TTYH1: variants seen among roughly 807,000 people sequenced by gnomAD.
TTYH1 encodes protein tweety homolog 1.
TTYH1 carries 33 observed loss-of-function variants against 61.2 expected under a neutral mutation model. The observed-to-expected ratio is 0.54, with a 90% CI of 0.41 to 0.72. The LOEUF is 0.72. TTYH1 is among the 30% of genes least tolerant of loss of function. TTYH1 has a pLI of 0.00. For synonymous variants in TTYH1, 308 were observed against 266.4 expected, an observed-to-expected ratio of 1.16 and a Z score of -1.52; for missense variants, 538 against 575.8, an observed-to-expected ratio of 0.93 and a Z score of 0.67.
intron 10 of TTYH1, chr19:54,433,603 C>G (rs115564058): frequency 6.7e-6 from 1 of 149,592 alleles, no homozygotes; most frequent in South Asian, 2.1e-4. Context: ...ATGGGTGCCT[C>G]GTGCCTATAA....
chr19:54,433,444 T>C (rs529374880), intron 10 of TTYH1: 4 of 150,956 alleles, frequency 2.6e-5, no homozygotes, highest in Admixed American at 6.6e-5. Context: ...CCTGTATTCC[T>C]AGCTACTCAG....
chr19:54,435,960 C>T, intron 12 of TTYH1, 87 bp downstream of exon 12: 1 of 1,589,744 alleles, frequency 6.3e-7, no homozygotes, highest in African/African-American at 1.3e-5. Context: ...GCCTGGCCGC[C>T]TGGGTCTGAG....
chr19:54,432,615 C>T (rs3745424), intron 10 of TTYH1: 60,190 of 151,960 alleles, frequency 0.4, 13,925 homozygotes, highest in African/African-American at 0.64. Context: ...ATGCCCCTGC[C>T]GCAGCTGAGG....
rs2083158947 is a variant in TTYH1, at chr19:54,419,324, TG to T, written c.305+21del. The T allele has an allele frequency of 3.1e-6, 4 of 1,275,166 alleles. No individual in the cohort carries two copies. The highest frequency in any genetic ancestry group is 1.5e-5 in the African/African-American group (1 of 67,240). The allele number at this position is 1,275,166 out of a possible 1,614,324, so 79.0% of individuals were successfully genotyped here. On this transcript the variant is annotated intron_variant, in intron 2 of 13. Coordinates refer to ENST00000376530, the MANE Select transcript of TTYH1 (RefSeq NM_020659.4). The surrounding 1 kb of genome is among the most constrained non-coding windows in gnomAD (Gnocchi z 6.1). ...GCCGGCTGGTAATGGGGCCCCAGGG[TG>T]GGTGGGCGGTGGGGACAGGGCTCCC...
In TTYH1 at chr19:54,419,386, G is replaced by C; in HGVS notation, c.305+80G>C. On this transcript the variant is annotated intron_variant, in intron 2 of 13. Transcript: ENST00000376530. This position sits in a 1 kb window ranked among gnomAD's most constrained non-coding sequence, Gnocchi z 6.1. ...GCTGGCCTTCCTGGGGGTGTCCTCC[G>C]GGGACATGGAGGAAGCAGACAGGAA... The C allele has an allele frequency of 1.4e-6, 2 of 1,422,024 alleles. No individual in the cohort carries two copies. Among genetic ancestry groups the C allele is most frequent in the Middle Eastern group, 2.0e-4 (1 of 5,036 alleles). The allele number at this position is 1,422,024 out of a possible 1,614,324, so 88.1% of individuals were successfully genotyped here.
chr19:54,424,939 C>T (rs1320642752), intron 4 of TTYH1, among the ~76,000 whole-genome samples: 1 of 152,036 alleles, frequency 6.6e-6, no homozygotes, highest in African/African-American at 2.4e-5. Flanking sequence ...GTGGCCACTT[C>T]CAAGAGGGCA....
intron 4 of TTYH1, 53 bp downstream of exon 4, chr19:54,422,463 C>T: frequency 7.0e-7 from 1 of 1,437,490 alleles, no homozygotes; most frequent in Non-Finnish European, 9.3e-7. Flanking sequence ...GGCGGAGTCC[C>T]CGGGGGGACA....
Position 54,419,135 on chromosome 19 carries a change from T to C in TTYH1, c.134T>C (p.Leu45Ser), listed in dbSNP as rs750905534. 4 of 1,611,660 alleles carry C rather than the reference T, an allele frequency of 2.5e-6. No individual in the cohort carries two copies. The highest frequency in any genetic ancestry group is 1.7e-5 in the Admixed American group (1 of 59,750). Residue 45 changes from leucine (L) to serine (S), a missense_variant, in exon 2 of 14, where the codon TTG becomes TCG. Physicochemically the swap from Leu to Ser is moderately radical, Grantham distance 145. Around this residue, in one of 3 missense-constraint regions of TTYH1, gnomAD observed 157 missense variants for 157.0 expected, o/e 1.00. Coordinates refer to ENST00000376530, the MANE Select transcript of TTYH1 (RefSeq NM_020659.4). This position sits in a 1 kb window ranked among gnomAD's most constrained non-coding sequence, Gnocchi z 6.1. Reference protein sequence around the residue: ...PQEQEYQQALLLVAALAGLGL... With the variant: ...PQEQEYQQALSLVAALAGLGL... The stretch of plus-strand genomic sequence containing the variant: ...TGTCACCCCCTTCCCCAGGCCTTGT[T>C]GCTGGTGGCGGCCTTGGCGGGCCTG...
intron 1 of TTYH1, among the ~76,000 whole-genome samples, chr19:54,417,396 ACT>A (rs1344785837): frequency 4.6e-5 from 7 of 151,234 alleles, no homozygotes; most frequent in Admixed American, 3.9e-4. Context: ...ACGCCCACCT[ACT>A]CTCATTACAC....
In TTYH1 at chr19:54,429,208, G is replaced by T. The variant is rs982015988; in HGVS notation, c.735-99G>T. The T allele has an allele frequency of 1.9e-6, 2 of 1,064,376 alleles. No homozygotes were observed. Among genetic ancestry groups the T allele is most frequent in the African/African-American group, 3.1e-5 (2 of 64,392 alleles). The allele number at this position is 1,064,376 out of a possible 1,614,324, so 65.9% of individuals were successfully genotyped here. On this transcript the variant is annotated intron_variant, in intron 5 of 13. Transcript: ENST00000376530. The surrounding 1 kb of genome is among the most constrained non-coding windows in gnomAD (Gnocchi z 5.1). Reference sequence around the variant, plus strand: ...TCTGATCCTCCAGGCTCCAGAGGTGGGTGGAGGTGGGGGGCGGCTGTGATG... The same window carrying T: ...TCTGATCCTCCAGGCTCCAGAGGTGTGTGGAGGTGGGGGGCGGCTGTGATG...
Position 54,428,324 on chromosome 19 carries a change from G to A in TTYH1, c.735-983G>A, listed in dbSNP as rs551008183. Among the ~76,000 whole-genome samples the A allele has an allele frequency of 9.2e-5, 14 of 151,886 alleles. No homozygotes were observed. The East Asian group carries it at 2.5e-3, about 27-fold the overall frequency. ...GGATGGTCTCAAACTCCTGACCTAA[G>A]GTGATCCGCCCGCCTCAGCCTCCCA... On this transcript the variant is annotated intron_variant, in intron 5 of 13. Coordinates refer to ENST00000376530, the MANE Select transcript of TTYH1 (RefSeq NM_020659.4).
In TTYH1 at chr19:54,422,246, G is replaced by T. The variant is rs983547209; in HGVS notation, c.474G>T (p.Leu158=). The change falls in exon 4 of 14, where the codon CTG becomes CTT. Residue 158 remains leucine (L), a synonymous_variant. Transcript: ENST00000376530. ...CGGTGAGGACAGAGCTGACCACCCT[G>T]GAGGAGGTGCTCGAGCCGCGCACGG... ...GEAVRTELTT[L]EEVLEPRTEL... is the part of the protein sequence containing the mutation. 6.4e-7 allele frequency: 1 copy of T among 1,567,280 alleles called. No individual in the cohort carries two copies. The highest frequency in any genetic ancestry group is 2.3e-5 in the East Asian group (1 of 43,232).
intron 10 of TTYH1, chr19:54,433,691 T>A (rs28663398): frequency 6.8e-6 from 1 of 148,128 alleles, no homozygotes; most frequent in Non-Finnish European, 1.5e-5. Flanking sequence ...CTGGCCAACA[T>A]GGTGAAACCC....
Position 54,422,291 on chromosome 19 carries a change from A to T in TTYH1, c.519A>T (p.Arg173=), listed in dbSNP as rs750457606. The T allele has an allele frequency of 2.6e-6, 4 of 1,568,110 alleles. No individual in the cohort carries two copies. In the South Asian group the frequency reaches 4.7e-5, roughly 18 times the overall value. The change falls in exon 4 of 14, where the codon CGA becomes CGT. Residue 173 remains arginine, a synonymous_variant. Transcript: ENST00000376530. ...GCACGGAGCTGGTGGCTGCCGCCCGAGGGGCTCGACGGCAGGCGGAGGCTG... is the reference window on the plus strand; with the variant it reads ...GCACGGAGCTGGTGGCTGCCGCCCGTGGGGCTCGACGGCAGGCGGAGGCTG... ...EPRTELVAAA[R]GARRQAEAAA...
In TTYH1 at chr19:54,416,806, G is replaced by T; in HGVS notation, c.126+1128G>T. The T allele has an allele frequency of 7.7e-7, 1 of 1,294,066 alleles. No homozygotes were observed. Among genetic ancestry groups the T allele is most frequent in the Non-Finnish European group, 1.0e-6 (1 of 988,714 alleles). 80.2% of individuals were successfully genotyped at this position (1,294,066 alleles called of 1,614,324 possible). On this transcript the variant is annotated intron_variant, in intron 1 of 13. Transcript: ENST00000376530. The surrounding 1 kb of genome is among the most constrained non-coding windows in gnomAD (Gnocchi z 7.0). ...GCCCACAGCCTCGCGGTTACACAAC[G>T]GCCACCTCCAACAACGCCGCTCCAC...
Position 54,416,965 on chromosome 19 carries a change from G to C in TTYH1, c.126+1287G>C. 1 of 1,226,198 alleles carries C rather than the reference G, an allele frequency of 8.2e-7. No homozygotes were observed. The highest frequency in any genetic ancestry group is 1.0e-6 in the Non-Finnish European group (1 of 958,540). The allele number at this position is 1,226,198 out of a possible 1,614,324, so 76.0% of individuals were successfully genotyped here. ...AGCCTCACTCCGCCCCCACGGTCGGGGGTCAGGGTCAGGGTGGCAGGGATG... is the reference window on the plus strand; with the variant it reads ...AGCCTCACTCCGCCCCCACGGTCGGCGGTCAGGGTCAGGGTGGCAGGGATG... On this transcript the variant is annotated intron_variant, in intron 1 of 13. Transcript: ENST00000376530. This position sits in a 1 kb window ranked among gnomAD's most constrained non-coding sequence, Gnocchi z 7.0.
In TTYH1 at chr19:54,416,977, G is replaced by T. The variant is rs1599879631; in HGVS notation, c.126+1299G>T. The T allele has an allele frequency of 2.3e-5, 28 of 1,214,774 alleles. No homozygotes were observed. The South Asian group carries it at 4.0e-4, about 17-fold the overall frequency. The allele number at this position is 1,214,774 out of a possible 1,614,324, so 75.2% of individuals were successfully genotyped here. A position where few individuals can be genotyped will look rare whatever the true frequency, so the allele number is the denominator to read the frequency against. On this transcript the variant is annotated intron_variant, in intron 1 of 13. Coordinates refer to ENST00000376530, the MANE Select transcript of TTYH1 (RefSeq NM_020659.4). The surrounding 1 kb of genome is among the most constrained non-coding windows in gnomAD (Gnocchi z 7.0). ...CCCCCACGGTCGGGGGTCAGGGTCA[G>T]GGTGGCAGGGATGCGCGGGCAGAGC... is the stretch of plus-strand genomic sequence containing the variant.
chr19:54,416,638 T>C lies in TTYH1; in HGVS notation c.126+960T>C. The C allele has an allele frequency of 5.2e-6, 4 of 771,928 alleles. No individual in the cohort carries two copies. Among genetic ancestry groups the C allele is most frequent in the Non-Finnish European group, 5.5e-6 (3 of 549,628 alleles). 47.8% of individuals were successfully genotyped at this position (771,928 alleles called of 1,614,324 possible). A position where few individuals can be genotyped will look rare whatever the true frequency, so the allele number is the denominator to read the frequency against. On this transcript the variant is annotated intron_variant, in intron 1 of 13. Transcript: ENST00000376530. This position sits in a 1 kb window ranked among gnomAD's most constrained non-coding sequence, Gnocchi z 7.0. Reference sequence around the variant, plus strand: ...CTGGGATTGGAGAGCTCAGGGGGCGTGGAGGGGGTCCCAGAAAAGCGCGGA... The same window carrying C: ...CTGGGATTGGAGAGCTCAGGGGGCGCGGAGGGGGTCCCAGAAAAGCGCGGA...
chr19:54,427,323 A>T (rs2083342168), intron 5 of TTYH1, among the ~76,000 whole-genome samples: 1 of 110,158 alleles, frequency 9.1e-6, no homozygotes, highest in African/African-American at 3.3e-5. Flanking sequence ...AAAAAAAAAA[A>T]GGCTGGGCGT....
Sources: allele counts gnomAD v4.1 joint callset (sites outside exome capture counted in the v4.1 genomes callset), GRCh38; gene constraint gnomAD v4.1.1; regional missense constraint gnomAD v4.1.1; non-coding constraint Gnocchi (gnomAD v3.1); transcripts MANE v1.5; gene names NCBI Gene and HGNC (gene_info 2026-07-23, HGNC 2026-07-21).